CCDC138: variants seen among roughly 807,000 people sequenced by gnomAD.
The protein encoded by CCDC138 is coiled-coil domain-containing protein 138.
CCDC138 carries 66 observed loss-of-function variants against 82.3 expected under a neutral mutation model. That is an observed-to-expected ratio of 0.80 (90% CI 0.66 to 0.98). The LOEUF (loss-of-function observed/expected upper bound fraction) is 0.98, where lower values mean the gene tolerates loss of function less well. CCDC138 is among the 50% of genes least tolerant of loss of function. CCDC138 has a pLI of 0.00. For missense variants in CCDC138, 816 were observed against 758.9 expected (o/e 1.08, Z -0.88); for synonymous variants, 297 against 265.4 (o/e 1.12, Z -1.16).
intron 10 of CCDC138, among the ~76,000 whole-genome samples, chr2:108,834,367 T>A (rs1688241947): frequency 6.6e-6 from 1 of 151,834 alleles, no homozygotes; most frequent in Middle Eastern, 3.2e-3. Flanking sequence ...TGCCCACCAC[T>A]CCCAGCTAAT....
chr2:108,821,325 T>C (rs1377194159), intron 10 of CCDC138, among the ~76,000 whole-genome samples: 1 of 152,134 alleles, frequency 6.6e-6, no homozygotes, highest in African/African-American at 2.4e-5. Context: ...GCCATTGCAC[T>C]CCAGCCTGGG....
chr2:108,871,333 G>C (rs1695200693), intron 13 of CCDC138, among the ~76,000 whole-genome samples: 2 of 127,918 alleles, frequency 1.6e-5, no homozygotes, highest in African/African-American at 6.0e-5. Flanking sequence ...AGGAGTTCAA[G>C]CCCAGCCTGG....
chr2:108,833,451 T>G (rs917132941), intron 10 of CCDC138, among the ~76,000 whole-genome samples: 2 of 152,128 alleles, frequency 1.3e-5, no homozygotes, highest in Non-Finnish European at 2.9e-5. Context: ...GAAGTAGAGA[T>G]AGAGTAGGCA....
downstream of CCDC138, chr2:108,878,497 C>G: frequency 1.4e-5 from 3 of 215,920 alleles, no homozygotes; most frequent in Non-Finnish European, 3.0e-5. Context: ...CATATTTATG[C>G]TGTATCAAGG....
At chr2:108,815,916 AAAT>A (rs748133634) in intron 9 of CCDC138, 22 bp from the exon 10 acceptor site, 1 of 1,571,018 alleles carries the variant, frequency 6.4e-7, no homozygotes, top group Non-Finnish European at 8.6e-7. Context: ...GAACTGAAAT[AAAT>A]GATTTAATTT....
At chr2:108,835,754 A>G (rs72934062) in intron 10 of CCDC138, among the ~76,000 whole-genome samples, 1,591 of 152,324 alleles carry the variant, frequency 0.01, 33 homozygotes, top group African/African-American at 0.034. Flanking sequence ...TTATCTTGCA[A>G]AACTAAAACT....
intron 6 of CCDC138, among the ~76,000 whole-genome samples, chr2:108,804,142 A>G (rs1336360650): frequency 6.6e-6 from 1 of 152,084 alleles, no homozygotes; most frequent in Non-Finnish European, 1.5e-5. Flanking sequence ...TTTTCATCGT[A>G]TTTATATCAC....
Position 108,873,474 on chromosome 2 carries a change from G to A in CCDC138, c.1717G>A (p.Ala573Thr), listed in dbSNP as rs1695576940. 1 of 1,601,940 alleles carries A rather than the reference G, an allele frequency of 6.2e-7. No individual in the cohort carries two copies. The highest frequency in any genetic ancestry group is 1.7e-5 in the Admixed American group (1 of 58,620). The change falls in exon 14 of 15, where the codon GCC (alanine) becomes ACC (threonine). Residue 573 changes from alanine (A) to threonine (T), a missense_variant. By Grantham distance (58) the Ala-to-Thr change is moderately conservative (BLOSUM62 0). Coordinates refer to ENST00000295124, the MANE Select transcript of CCDC138 (RefSeq NM_144978.3). Reference protein sequence around the residue: ...ESKSLQPFLEACSNSLFFRTC... With the variant: ...ESKSLQPFLETCSNSLFFRTC... ...AGAATCCTTGCAGCCTTTCCTGGAA[G>A]CCTGTAGCAACTCTTTATTTTTTCG...
chr2:108,859,309 G>T (rs1693176280), intron 13 of CCDC138, among the ~76,000 whole-genome samples: 1 of 152,098 alleles, frequency 6.6e-6, no homozygotes, highest in Non-Finnish European at 1.5e-5. Flanking sequence ...TCCTTTGTTG[G>T]ATGCAGAATT....
At chr2:108,833,894 A>T (rs1275586203) in intron 10 of CCDC138, among the ~76,000 whole-genome samples, 18 of 79,220 alleles carry the variant, frequency 2.3e-4, no homozygotes, top group Admixed American at 9.1e-4. Flanking sequence ...CGCCCGGCTA[A>T]TTTTTTTTTT....
At chr2:108,842,687 A>G (rs1356003635) in intron 11 of CCDC138, among the ~76,000 whole-genome samples, 2 of 152,196 alleles carry the variant, frequency 1.3e-5, no homozygotes, top group African/African-American at 2.4e-5. Context: ...TAAGGCAGAT[A>G]TCTGAATCAA....
intron 10 of CCDC138, among the ~76,000 whole-genome samples, chr2:108,835,407 C>T: frequency 6.6e-6 from 1 of 152,022 alleles, no homozygotes; most frequent in East Asian, 1.9e-4. Flanking sequence ...GGATATTAAT[C>T]CTCTATTTCT....
At chr2:108,828,852 C>T (rs993143042) in intron 10 of CCDC138, among the ~76,000 whole-genome samples, 7 of 152,038 alleles carry the variant, frequency 4.6e-5, no homozygotes, top group Admixed American at 3.9e-4. Flanking sequence ...GTGGCAGGCA[C>T]CTGTAATCCC....
rs962024947 is a variant in CCDC138 at position 108,791,795 on chromosome 2, A to G, written c.387A>G (p.Ile129Met). The G allele has an allele frequency of 7.5e-5, 119 of 1,582,244 alleles. No individual in the cohort carries two copies. The highest frequency in any genetic ancestry group is 6.7e-4 in the Middle Eastern group (4 of 5,956). ...TAACCAAGCAGTCTTTTAAAGAAAT[A>G]GAAAAAGGTAAAATAAATATTTTAG... is the stretch of plus-strand genomic sequence containing the variant. ...SKITKQSFKE[I>M]EKVALPTNTT... Residue 129 changes from isoleucine to methionine, a missense_variant, in exon 4 of 15, where the codon ATA becomes ATG. By Grantham distance (10) the Ile-to-Met change is conservative. Coordinates refer to ENST00000295124, the MANE Select transcript of CCDC138 (RefSeq NM_144978.3).
chr2:108,856,712 C>A, intron 12 of CCDC138, 82 bp from the exon 13 acceptor site: 1 of 1,279,970 alleles, frequency 7.8e-7, no homozygotes, highest in African/African-American at 1.5e-5. Flanking sequence ...GTTAAAGTAA[C>A]GACATTGCTT....
At chr2:108,870,903 A>G (rs1021929480) in intron 13 of CCDC138, among the ~76,000 whole-genome samples, 1 of 152,170 alleles carries the variant, frequency 6.6e-6, no homozygotes, top group African/African-American at 2.4e-5. Context: ...GTTGCACAGT[A>G]ATGTGAATTT....
At chr2:108,824,770 T>G (rs918444919) in intron 10 of CCDC138, among the ~76,000 whole-genome samples, 2 of 152,174 alleles carry the variant, frequency 1.3e-5, no homozygotes, top group African/African-American at 4.8e-5. Context: ...AGTAGTTTTT[T>G]TTTTACACCA....
At chr2:108,814,600 A>G (rs900546090) in intron 9 of CCDC138, among the ~76,000 whole-genome samples, 1 of 149,488 alleles carries the variant, frequency 6.7e-6, no homozygotes, top group Non-Finnish European at 1.5e-5. Context: ...TTGCCTATTT[A>G]TTAATTTGCT....
chr2:108,802,312 T>C (rs1342939617), intron 6 of CCDC138, among the ~76,000 whole-genome samples: 1 of 103,670 alleles, frequency 9.6e-6, no homozygotes, highest in African/African-American at 4.9e-5. Flanking sequence ...CCTTGAGCAG[T>C]GGTTTGTAGT....
Sources: gnomAD v4.1 joint callset for allele counts (sites outside exome capture counted in the v4.1 genomes callset) on GRCh38, gnomAD v4.1.1 for gene constraint, MANE v1.5 for transcripts, NCBI Gene and HGNC (gene_info 2026-07-23, HGNC 2026-07-21) for gene names.